Variants in KLF12 observed in about 807,000 individuals in gnomAD.
The protein encoded by KLF12 is Krueppel-like factor 12.
KLF12 carries 9 observed loss-of-function variants against 37.8 expected under a neutral mutation model. The ratio of observed to expected loss-of-function variants is 0.24; its 90% CI spans 0.14 to 0.42. The LOEUF (loss-of-function observed/expected upper bound fraction) is 0.42. Among genes scored for constraint, KLF12 ranks in the 10% least tolerant of loss-of-function variants. The pLI is 1.00. For missense variants in KLF12, 411 were observed against 516.0 expected, an observed-to-expected ratio of 0.80 and a Z score of 1.97; for synonymous variants, 208 against 202.1, an observed-to-expected ratio of 1.03 and a Z score of -0.25.
chr13:74,218,331 G>C, the KLF12 span, among the ~76,000 whole-genome samples: 1 of 152,166 alleles, frequency 6.6e-6, no homozygotes, highest in Admixed American at 6.5e-5. Flanking sequence ...AGGGAGTGCC[G>C]AGAAATGAGA....
intron 6 of KLF12, among the ~76,000 whole-genome samples, chr13:73,763,228 T>C (rs1034163579): frequency 2.0e-5 from 3 of 152,186 alleles, no homozygotes; most frequent in South Asian, 4.1e-4. Flanking sequence ...ATTATAAATA[T>C]ATCTCCTTAG....
intron 3 of KLF12, among the ~76,000 whole-genome samples, chr13:73,872,104 G>C (rs779307035): frequency 3.9e-5 from 6 of 152,034 alleles, no homozygotes; most frequent in Non-Finnish European, 7.4e-5. Flanking sequence ...CACGTGCTTG[G>C]GTCCTGTGCC....
chr13:73,737,917 C>A, intron 6 of KLF12, among the ~76,000 whole-genome samples: 1 of 151,262 alleles, frequency 6.6e-6, no homozygotes, highest in Non-Finnish European at 1.5e-5. Context: ...GACTGTAAAC[C>A]AACAACATCA....
At chr13:73,726,127 A>G (rs1353472690) in intron 6 of KLF12, among the ~76,000 whole-genome samples, 1 of 152,166 alleles carries the variant, frequency 6.6e-6, no homozygotes, top group East Asian at 1.9e-4. Context: ...TGCTGGGATT[A>G]TAGGCGTGAG....
intron 7 of KLF12, among the ~76,000 whole-genome samples, chr13:73,705,746 A>G (rs1210992908): frequency 6.6e-6 from 1 of 152,252 alleles, no homozygotes; most frequent in Non-Finnish European, 1.5e-5. Flanking sequence ...AGAAAGTAGA[A>G]AGACTGAAGA....
intron 5 of KLF12, among the ~76,000 whole-genome samples, chr13:73,768,100 C>T (rs1594068257): frequency 6.6e-6 from 1 of 152,148 alleles, no homozygotes; most frequent in East Asian, 1.9e-4. Flanking sequence ...ATTGTGTGAC[C>T]AGCCTGCCTG....
In KLF12 at chr13:74,117,237, C is replaced by T. The variant is rs1450126832; in HGVS notation, c.-32+16502G>A. Among the ~76,000 whole-genome samples the T allele has an allele frequency of 2.0e-5, 3 of 152,124 alleles. No homozygotes were observed. The East Asian group carries it at 5.8e-4, about 29-fold the overall frequency. ...AAATGAGAGACCCTTGAAGGATTGG[C>T]TGATTTGGTAGCTGTGGCAGGGAAA... On this transcript the variant is annotated intron_variant, in intron 1 of 7. Transcript: ENST00000377669.
intron 1 of KLF12, among the ~76,000 whole-genome samples, chr13:74,120,207 C>T (rs1465992749): frequency 6.6e-6 from 1 of 152,200 alleles, no homozygotes; most frequent in Non-Finnish European, 1.5e-5. Flanking sequence ...GTAGGCCAGG[C>T]ACAGTGGCTC....
chr13:74,220,596 A>G, the KLF12 span, among the ~76,000 whole-genome samples: 1 of 152,236 alleles, frequency 6.6e-6, no homozygotes, highest in South Asian at 2.1e-4. Context: ...GTAAACCATC[A>G]TCAGCATGAT....
At chr13:73,770,376 C>A (rs1880190874) in intron 5 of KLF12, among the ~76,000 whole-genome samples, 1 of 151,984 alleles carries the variant, frequency 6.6e-6, no homozygotes, top group African/African-American at 2.4e-5. Flanking sequence ...TTTCCTCAGG[C>A]CAGTGATTAA....
chr13:73,790,753 T>C (rs940371597), intron 5 of KLF12, among the ~76,000 whole-genome samples: 16 of 152,226 alleles, frequency 1.1e-4, no homozygotes, highest in African/African-American at 3.9e-4. Context: ...TACAGTCTAA[T>C]GGGCAAGGAA....
intron 1 of KLF12, among the ~76,000 whole-genome samples, chr13:74,063,457 A>C (rs1024197735): frequency 6.6e-6 from 1 of 152,200 alleles, no homozygotes; most frequent in Non-Finnish European, 1.5e-5. Context: ...AACAACCTTC[A>C]TATTTCATTT....
intron 3 of KLF12, among the ~76,000 whole-genome samples, chr13:73,867,838 C>T (rs1391804314): frequency 5.3e-5 from 8 of 151,140 alleles, no homozygotes; most frequent in South Asian, 4.2e-4. Flanking sequence ...TGACCTCAGG[C>T]GATCCAACCC....
intron 5 of KLF12, chr13:73,802,067 T>C (rs1882306945): frequency 6.6e-6 from 1 of 152,156 alleles, no homozygotes; most frequent in Admixed American, 6.5e-5. Context: ...TTTATACCTA[T>C]ATCAGAAGAC....
At chr13:74,101,022 C>T (rs983279950) in intron 1 of KLF12, among the ~76,000 whole-genome samples, 4 of 152,108 alleles carry the variant, frequency 2.6e-5, no homozygotes, top group African/African-American at 9.7e-5. Context: ...ATCACCACAC[C>T]CACCCAGAGA....
intron 5 of KLF12, among the ~76,000 whole-genome samples, chr13:73,781,498 C>T (rs1880964872): frequency 6.6e-6 from 1 of 152,302 alleles, no homozygotes. Context: ...ATATTTAAAT[C>T]TACCAATCTT....
At chr13:73,837,834 A>G (rs562965403) in intron 4 of KLF12, among the ~76,000 whole-genome samples, 1 of 152,324 alleles carries the variant, frequency 6.6e-6, no homozygotes, top group East Asian at 1.9e-4. Context: ...AACAGAATCA[A>G]TTCATCAAGG....
intron 3 of KLF12, among the ~76,000 whole-genome samples, chr13:73,862,309 T>C (rs1885971075): frequency 6.6e-6 from 1 of 152,184 alleles, no homozygotes; most frequent in Non-Finnish European, 1.5e-5. Flanking sequence ...TATTGTTTAT[T>C]CCTCACAACA....
the KLF12 span, among the ~76,000 whole-genome samples, chr13:74,239,186 A>C: frequency 1.5e-4 from 22 of 149,504 alleles, no homozygotes; most frequent in African/African-American, 5.5e-4. Context: ...TTCTGCCTTC[A>C]TTTCGTTATG....
Sources: gnomAD v4.1 joint callset for allele counts (sites outside exome capture counted in the v4.1 genomes callset) on GRCh38, gnomAD v4.1.1 for gene constraint, MANE v1.5 for transcripts, NCBI Gene and HGNC (gene_info 2026-07-23, HGNC 2026-07-21) for gene names.